Variants in FGF7 observed in about 807,000 individuals in gnomAD.
The protein encoded by FGF7 is fibroblast growth factor 7.
A neutral mutation model predicts 20.5 loss-of-function variants in FGF7; 6 were observed. The ratio of observed to expected loss-of-function variants is 0.29; its 90% CI spans 0.16 to 0.58. FGF7 has a LOEUF of 0.58. Ranked by LOEUF, FGF7 falls within the 20% of genes least tolerant of loss-of-function variation. The pLI is 0.90. For missense variants in FGF7, 144 were observed against 228.8 expected (o/e 0.63, Z 2.39); for synonymous variants, 64 against 74.7 (o/e 0.86, Z 0.74).
intron 2 of FGF7, among the ~76,000 whole-genome samples, chr15:49,449,519 A>G (rs964877823): frequency 3.3e-5 from 5 of 152,090 alleles, no homozygotes; most frequent in Non-Finnish European, 5.9e-5. Flanking sequence ...CCAGAATGCA[A>G]TGCTCCAAAT....
rs182900615 is a variant in FGF7 at position 49,428,874 on chromosome 15, G to A, written c.286+4291G>A. 1.6e-3 allele frequency among the ~76,000 whole-genome samples: 240 copies of A among 152,046 alleles called. 4 individuals carry two copies. The highest frequency in any genetic ancestry group is 8.1e-3 in the Admixed American group (124 of 15,244). On this transcript the variant is annotated intron_variant, in intron 2 of 3. Transcript: ENST00000267843. ...AATGATTTGGCAATATTCTCTTTTG[G>A]ACTGTTAGACTGTGATGGGATATGG...
chr15:49,440,114 C>A (rs370720840), intron 2 of FGF7, among the ~76,000 whole-genome samples: 1 of 151,656 alleles, frequency 6.6e-6, no homozygotes, highest in Non-Finnish European at 1.5e-5. Context: ...AATGACATCA[C>A]GAATTAGTGG....
At chr15:49,483,374 A>T (rs2152022620) in intron 3 of FGF7, 120 bp downstream of exon 3, 3 of 599,896 alleles carry the variant, frequency 5.0e-6, no homozygotes, top group South Asian at 4.2e-5. Context: ...TAATGATTTT[A>T]TTAAAACACT....
chr15:49,429,333 A>G (rs898226695), intron 2 of FGF7, among the ~76,000 whole-genome samples: 4 of 152,102 alleles, frequency 2.6e-5, no homozygotes, highest in Middle Eastern at 3.4e-3. Context: ...AGATTTGAAA[A>G]TATTAGCCAT....
At chr15:49,461,873 T>C (rs2053827160) in intron 2 of FGF7, among the ~76,000 whole-genome samples, 1 of 152,176 alleles carries the variant, frequency 6.6e-6, no homozygotes, top group African/African-American at 2.4e-5. Flanking sequence ...CTAATACACA[T>C]AGCTTTAAGA....
chr15:49,476,243 T>TTTTTTTTTTTTC (rs2055299396), intron 2 of FGF7, among the ~76,000 whole-genome samples: 1 of 149,910 alleles, frequency 6.7e-6, no homozygotes, highest in Non-Finnish European at 1.5e-5. Context: ...TTTTTTTTTT[T>TTTTTTTTTTTTC]TTGCATTTGG....
chr15:49,468,663 T>C (rs2054474991), intron 2 of FGF7, among the ~76,000 whole-genome samples: 1 of 152,188 alleles, frequency 6.6e-6, no homozygotes, highest in African/African-American at 2.4e-5. Flanking sequence ...GAGTCCTTTG[T>C]GTTGCCCCTT....
chr15:49,427,102 T>C (rs553891670), intron 2 of FGF7, among the ~76,000 whole-genome samples: 260 of 152,110 alleles, frequency 1.7e-3, no homozygotes, highest in Non-Finnish European at 3.4e-3. Context: ...CTGATAGCCA[T>C]TTCCTATTAT....
intron 2 of FGF7, among the ~76,000 whole-genome samples, chr15:49,475,561 G>T (rs1260387271): frequency 6.6e-6 from 1 of 151,938 alleles, no homozygotes; most frequent in South Asian, 2.1e-4. Flanking sequence ...CAGATTAGCA[G>T]ATATTTAACA....
At position 49,471,208 on chromosome 15, in the gene FGF7, G is replaced by A. The variant is rs189097142; in HGVS notation, c.287-11943G>A. Among the ~76,000 whole-genome samples the A allele has an allele frequency of 5.9e-5, 9 of 152,114 alleles. No homozygotes were observed. The East Asian group carries it at 9.7e-4, about 16-fold the overall frequency. The stretch of plus-strand genomic sequence containing the variant: ...TTAAGAATATGGCAAATGTGAGGCC[G>A]GATACAGTGACTCGTGCCTGTAATC... On this transcript the variant is annotated intron_variant, in intron 2 of 3. Transcript: ENST00000267843.
intron 2 of FGF7, among the ~76,000 whole-genome samples, chr15:49,459,697 G>A (rs1271151892): frequency 1.3e-5 from 2 of 152,048 alleles, no homozygotes; most frequent in East Asian, 3.9e-4. Flanking sequence ...AAAAATGACT[G>A]TACACATTTT....
chr15:49,486,130 G>A lies in FGF7; in HGVS notation c.*1626G>A, dbSNP rs2056385160. The A allele has an allele frequency of 6.6e-6, 1 of 151,900 alleles. No homozygotes were observed. The highest frequency in any genetic ancestry group is 2.1e-4 in the South Asian group (1 of 4,824). 9.4% of individuals were successfully genotyped at this position (151,900 alleles called of 1,614,324 possible). A position where few individuals can be genotyped will look rare whatever the true frequency, so the allele number is the denominator to read the frequency against. ...ATTTAAAAGGTATGCTAACCACTGT[G>A]GTTTTAATTTCAAAATATTTGTCAT... On this transcript the variant is annotated 3_prime_UTR_variant, in exon 4 of 4. Transcript: ENST00000267843.
At chr15:49,470,392 A>G (rs961705731) in intron 2 of FGF7, among the ~76,000 whole-genome samples, 1 of 152,190 alleles carries the variant, frequency 6.6e-6, no homozygotes, top group Non-Finnish European at 1.5e-5. Flanking sequence ...TTGATCCTAC[A>G]TATCTAGTAC....
chr15:49,473,619 C>A (rs1332642378), intron 2 of FGF7, among the ~76,000 whole-genome samples: 1 of 151,954 alleles, frequency 6.6e-6, no homozygotes, highest in Non-Finnish European at 1.5e-5. Flanking sequence ...CTCTCTACCC[C>A]AGCAATATTT....
At chr15:49,452,699 G>A (rs112231178) in intron 2 of FGF7, among the ~76,000 whole-genome samples, 3,668 of 152,198 alleles carry the variant, frequency 0.024, 115 homozygotes, top group South Asian at 0.15. Flanking sequence ...AAATGAGTCA[G>A]TCTCTCTGAA....
At chr15:49,435,432 G>T (rs77313521) in intron 2 of FGF7, among the ~76,000 whole-genome samples, 1 of 151,608 alleles carries the variant, frequency 6.6e-6, no homozygotes, top group Non-Finnish European at 1.5e-5. Flanking sequence ...ACACTCAGTA[G>T]TCAAGCAGCT....
chr15:49,426,440 C>T (rs2050137815), intron 2 of FGF7, among the ~76,000 whole-genome samples: 4 of 151,614 alleles, frequency 2.6e-5, no homozygotes, highest in Admixed American at 2.0e-4. Context: ...AATCCTTTTA[C>T]CAAGTAATGA....
chr15:49,427,487 T>C (rs1006288377), intron 2 of FGF7, among the ~76,000 whole-genome samples: 1 of 152,062 alleles, frequency 6.6e-6, no homozygotes, highest in South Asian at 2.1e-4. Flanking sequence ...CAGGTTGTCA[T>C]GTCAATCACC....
intron 2 of FGF7, among the ~76,000 whole-genome samples, chr15:49,436,770 T>C (rs2051143977): frequency 6.6e-6 from 1 of 151,594 alleles, no homozygotes; most frequent in African/African-American, 2.4e-5. Context: ...ACAGCTTTAG[T>C]ATCATCACAT....
Sources: allele counts gnomAD v4.1 joint callset (sites outside exome capture counted in the v4.1 genomes callset), GRCh38; gene constraint gnomAD v4.1.1; transcripts MANE v1.5; gene names NCBI Gene and HGNC (gene_info 2026-07-23, HGNC 2026-07-21).